Variants in GIT2 observed in about 807,000 individuals in gnomAD.
GIT2 encodes the protein GIT ArfGAP 2.
A neutral mutation model predicts 100.3 loss-of-function variants in GIT2; 32 were observed. The observed-to-expected ratio is 0.32, with a 90% confidence interval of 0.24 to 0.43. GIT2 has a LOEUF of 0.43. GIT2 is among the 20% of genes least tolerant of loss of function. GIT2 has a pLI of 1.00. For missense variants in GIT2, 737 were observed against 975.1 expected (o/e 0.76, Z 3.25); for synonymous variants, 353 against 364.1 (o/e 0.97, Z 0.35).
chr12:109,945,217 C>G, intron 16 of GIT2, 43 bp downstream of exon 16: 1 of 963,110 alleles, frequency 1.0e-6, no homozygotes, highest in Non-Finnish European at 1.7e-6. Flanking sequence ...CCCAGGAGCA[C>G]GGCCCCTCCT....
At chr12:109,945,792 T>C (rs750228490) in intron 15 of GIT2, among the ~76,000 whole-genome samples, 3 of 152,164 alleles carry the variant, frequency 2.0e-5, no homozygotes, top group Non-Finnish European at 4.4e-5. Flanking sequence ...CACTGAAAAA[T>C]AACAAAGTTG....
At chr12:109,999,222 C>T, upstream of GIT2, 1 of 153,288 alleles carries the variant, frequency 6.5e-6, no homozygotes, top group Non-Finnish European at 1.4e-5. This position sits in a 1 kb window ranked among gnomAD's most constrained non-coding sequence, Gnocchi z 4.3. Flanking sequence ...AAGCTGGGGA[C>T]AGGTAGACGG....
At chr12:109,938,813 A>G in intron 17 of GIT2, 1 of 519,674 alleles carries the variant, frequency 1.9e-6, no homozygotes, top group Non-Finnish European at 3.4e-6. Context: ...AAATACCTGG[A>G]GCGGGGAGGG....
chr12:109,986,950 C>CT (rs1224569516), intron 4 of GIT2, among the ~76,000 whole-genome samples: 4 of 151,734 alleles, frequency 2.6e-5, no homozygotes, highest in South Asian at 4.2e-4. Context: ...GAGCGAGACT[C>CT]TGTCTCAAAA....
chr12:109,953,831 G>C (rs1242066887), intron 12 of GIT2: 1 of 152,246 alleles, frequency 6.6e-6, no homozygotes, highest in Non-Finnish European at 1.5e-5. Flanking sequence ...GAACTGCTCA[G>C]ATAAAGAAGG....
chr12:109,992,578 T>C (rs1888625507), intron 1 of GIT2, among the ~76,000 whole-genome samples: 1 of 152,226 alleles, frequency 6.6e-6, no homozygotes, highest in Admixed American at 6.5e-5. Context: ...AGTTACAGAA[T>C]CATAAAATCA....
chr12:109,995,008 C>CAATT (rs2137024290), intron 1 of GIT2, among the ~76,000 whole-genome samples: 1 of 152,284 alleles, frequency 6.6e-6, no homozygotes, highest in African/African-American at 2.4e-5. Flanking sequence ...GTTCTATTTA[C>CAATT]AATTGGTCTC....
Position 109,933,438 on chromosome 12 carries a change from G to A in GIT2, c.2068-248C>T. 2.5e-6 allele frequency: 1 copy of A among 403,296 alleles called. No homozygotes were observed. The highest frequency in any genetic ancestry group is 4.4e-6 in the Non-Finnish European group (1 of 225,416). The allele number at this position is 403,296 out of a possible 1,614,324, so 25.0% of individuals were successfully genotyped here. On this transcript the variant is annotated intron_variant, in intron 19 of 19. Transcript: ENST00000355312. The surrounding 1 kb of genome is among the most constrained non-coding windows in gnomAD (Gnocchi z 4.5). Reference sequence around the variant, plus strand: ...TTTTAGTAGTATGTGGTATTTTGAAGTAGTTTTTGAAAAATATTAATCCAT... The same window carrying A: ...TTTTAGTAGTATGTGGTATTTTGAAATAGTTTTTGAAAAATATTAATCCAT...
rs1881385384 is a variant in GIT2, at chr12:109,962,716, G to A, written c.817-1031C>T. On this transcript the variant is annotated intron_variant, in intron 9 of 19. Transcript: ENST00000355312. This position sits in a 1 kb window ranked among gnomAD's most constrained non-coding sequence, Gnocchi z 4.3. ...AAACTGTCTGACATCTGCTTTGGGA[G>A]GGCAGATGCTGAATCTGTTATATTC... is the stretch of plus-strand genomic sequence containing the variant. Among the ~76,000 whole-genome samples, 1 of 152,232 alleles carries A rather than the reference G, an allele frequency of 6.6e-6. No homozygotes were observed. The highest frequency in any genetic ancestry group is 1.5e-5 in the Non-Finnish European group (1 of 68,038).
intron 2 of GIT2, among the ~76,000 whole-genome samples, chr12:109,991,004 C>A (rs746657356): frequency 6.6e-6 from 1 of 152,132 alleles, no homozygotes; most frequent in South Asian, 2.1e-4. Context: ...CATTCATTAT[C>A]ATGCATAGAA....
chr12:109,984,692 C>T (rs578203921), intron 4 of GIT2, among the ~76,000 whole-genome samples: 3 of 152,180 alleles, frequency 2.0e-5, no homozygotes, highest in African/African-American at 7.2e-5. Context: ...AGTGATCCTC[C>T]CACCTCGGCC....
In GIT2 at chr12:109,934,073, GC is replaced by G; in HGVS notation, c.2015del (p.Cys672SerfsTer7). 1 of 1,562,098 alleles carries G rather than the reference GC, an allele frequency of 6.4e-7. No homozygotes were observed. Among genetic ancestry groups the G allele is most frequent in the Non-Finnish European group, 8.8e-7 (1 of 1,132,618 alleles). Reference sequence around the variant, plus strand: ...TAACAGCTACGTGTATCCTCTCTGAGCAGGGAATATAACTGCAAGAATATTG... The same window carrying G: ...TAACAGCTACGTGTATCCTCTCTGAGAGGGAATATAACTGCAAGAATATTG... ...QENKHDSYIP[C>X]SERIHVAVTE... On this transcript the variant is annotated frameshift_variant, in exon 19 of 20. Transcript: ENST00000355312. LOFTEE classifies it high-confidence loss of function. This position sits in a 1 kb window ranked among gnomAD's most constrained non-coding sequence, Gnocchi z 4.5.
rs79257972 is a variant in GIT2, at chr12:109,945,484, A to C, written c.1642-135T>G. On this transcript the variant is annotated intron_variant, in intron 15 of 19. Transcript: ENST00000355312. ...GAGTGCTGCAATCTCAGTGGCCACC[A>C]GTGACAGGACCCCAGAGATGCTTAA... The C allele has an allele frequency of 2.0e-3, 1,277 of 648,324 alleles. 23 individuals carry two copies. In the East Asian group the frequency reaches 0.032, roughly 16 times the overall value. 40.2% of individuals were successfully genotyped at this position (648,324 alleles called of 1,614,324 possible).
chr12:109,985,453 C>T (rs1307477009), intron 4 of GIT2, among the ~76,000 whole-genome samples: 2 of 152,122 alleles, frequency 1.3e-5, no homozygotes, highest in African/African-American at 2.4e-5. Context: ...TGGTGGCTCA[C>T]GCCTGTAATC....
chr12:109,996,452 G>T, upstream of GIT2: 1 of 520,128 alleles, frequency 1.9e-6, no homozygotes, highest in Non-Finnish European at 3.4e-6. Context: ...GCCATCTTGA[G>T]TGAGGGCAGG....
intron 2 of GIT2, among the ~76,000 whole-genome samples, chr12:109,991,305 G>A (rs574262187): frequency 2.1e-5 from 3 of 139,968 alleles, no homozygotes; most frequent in South Asian, 4.5e-4. Context: ...GTGAGAGTCC[G>A]TCTCAAAAAA....
intron 15 of GIT2, among the ~76,000 whole-genome samples, chr12:109,946,004 T>C (rs1281694509): frequency 6.6e-6 from 1 of 151,920 alleles, no homozygotes; most frequent in African/African-American, 2.4e-5. Context: ...CACAGGACCA[T>C]GTGCCTGTAG....
intron 9 of GIT2, 36 bp from the exon 10 acceptor site, chr12:109,961,721 T>C (rs1044341517): frequency 1.6e-6 from 2 of 1,212,584 alleles, no homozygotes; most frequent in Non-Finnish European, 1.2e-6. Context: ...CAAGGGACAA[T>C]GATTAATGCC....
rs1352587170 is a variant in GIT2, at chr12:109,947,548, A to C, written c.1393-44T>G. 2 of 1,576,168 alleles carry C rather than the reference A, an allele frequency of 1.3e-6. No homozygotes were observed. The highest frequency in any genetic ancestry group is 1.7e-6 in the Non-Finnish European group (2 of 1,154,640). The stretch of plus-strand genomic sequence containing the variant: ...AGTGGGACTGTGTTTTTTTACAGCA[A>C]GCAGAAAAAGCAAACACCAAGTAAA... On this transcript the variant is annotated intron_variant, in intron 14 of 19. Transcript: ENST00000355312. The surrounding 1 kb of genome is among the most constrained non-coding windows in gnomAD (Gnocchi z 4.3).
Sources: gnomAD v4.1 joint callset for allele counts (sites outside exome capture counted in the v4.1 genomes callset) on GRCh38, gnomAD v4.1.1 for gene constraint, Gnocchi (gnomAD v3.1) non-coding constraint, MANE v1.5 for transcripts, NCBI Gene and HGNC (gene_info 2026-07-23, HGNC 2026-07-21) for gene names.